Variants in RFFL observed in about 807,000 individuals in gnomAD.
RFFL encodes the protein ring finger and FYVE like domain containing E3 ubiquitin protein ligase.
A neutral mutation model predicts 40.4 loss-of-function variants in RFFL; 16 were observed. That is an observed-to-expected ratio of 0.40 (90% CI 0.27 to 0.60). RFFL has a LOEUF of 0.60. Among genes scored for constraint, RFFL ranks in the 20% least tolerant of loss-of-function variants. The pLI, the probability that RFFL is intolerant of heterozygous loss-of-function variation, is 0.47. For missense variants in RFFL, 367 were observed against 451.7 expected (o/e 0.81, Z 1.70); for synonymous variants, 154 against 167.9 (o/e 0.92, Z 0.64).
At chr17:35,032,985 A>C (rs2091095683) in intron 1 of RFFL, among the ~76,000 whole-genome samples, 1 of 152,126 alleles carries the variant, frequency 6.6e-6, no homozygotes, top group Non-Finnish European at 1.5e-5. Context: ...AAAGAAGCTG[A>C]TAATCATAGC....
intron 1 of RFFL, among the ~76,000 whole-genome samples, chr17:35,086,831 G>T (rs762001374): frequency 6.6e-6 from 1 of 152,124 alleles, no homozygotes; most frequent in Non-Finnish European, 1.5e-5. Flanking sequence ...AGTATTAAAG[G>T]TTCTATGACA....
At chr17:35,020,453 A>T (rs7210900) in intron 3 of RFFL, among the ~76,000 whole-genome samples, 3,307 of 150,300 alleles carry the variant, frequency 0.022, 148 homozygotes, top group African/African-American at 0.077. Flanking sequence ...TCTAGGATGC[A>T]TGCTCCTTAT....
intron 2 of RFFL, among the ~76,000 whole-genome samples, chr17:35,022,234 T>C (rs866568030): frequency 1.3e-5 from 2 of 152,176 alleles, no homozygotes; most frequent in Non-Finnish European, 2.9e-5. Context: ...CATGGGGTTG[T>C]TGTGAAGATT....
At chr17:35,074,652 G>C (rs987451043) in intron 1 of RFFL, among the ~76,000 whole-genome samples, 1 of 152,142 alleles carries the variant, frequency 6.6e-6, no homozygotes, top group Admixed American at 6.6e-5. Context: ...CACCTCATAG[G>C]ATTGTTAGGA....
chr17:35,010,163 A>G lies in RFFL; in HGVS notation c.*1805T>C, dbSNP rs767387285. 6.6e-6 allele frequency: 1 copy of G among 152,218 alleles called. No homozygotes were observed. The allele number at this position is 152,218 out of a possible 1,614,324, so 9.4% of individuals were successfully genotyped here. On this transcript the variant is annotated 3_prime_UTR_variant, in exon 7 of 7. Transcript: ENST00000394597. The stretch of plus-strand genomic sequence containing the variant: ...GCATAAATATGTCTGTACCAATGTA[A>G]TAAGTCCCTTTAGAGGTTTCCCTCT...
intron 1 of RFFL, among the ~76,000 whole-genome samples, chr17:35,056,263 G>C (rs2091260603): frequency 6.6e-6 from 1 of 151,812 alleles, no homozygotes; most frequent in Non-Finnish European, 1.5e-5. Flanking sequence ...GACCACTCTT[G>C]CTCCCTTATT....
intron 1 of RFFL, among the ~76,000 whole-genome samples, chr17:35,051,587 T>C (rs970603868): frequency 3.9e-5 from 6 of 152,218 alleles, no homozygotes; most frequent in Admixed American, 2.0e-4. Context: ...GGATTTCCCA[T>C]GCTTCGTACT....
intron 1 of RFFL, among the ~76,000 whole-genome samples, chr17:35,048,469 C>G (rs1268959975): frequency 6.6e-6 from 1 of 152,046 alleles, no homozygotes; most frequent in Non-Finnish European, 1.5e-5. Context: ...TAATCAGGTT[C>G]AGTTTAGTTT....
rs1050595348 is a variant in RFFL at position 35,055,380 on chromosome 17, T to G, written c.-9+8196A>C. 4.6e-5 allele frequency among the ~76,000 whole-genome samples: 7 copies of G among 152,128 alleles called. No homozygotes were observed. The East Asian group carries it at 1.4e-3, about 29-fold the overall frequency. On this transcript the variant is annotated intron_variant, in intron 1 of 6. Transcript: ENST00000394597. ...AGAACTATGGACAGAAATATAACTTTAATTAAGCATTAGGCCAGGTGCGAT... is the reference window on the plus strand; with the variant it reads ...AGAACTATGGACAGAAATATAACTTGAATTAAGCATTAGGCCAGGTGCGAT...
At chr17:35,064,010 C>T (rs2091308566), upstream of RFFL, among the ~76,000 whole-genome samples, 1 of 152,206 alleles carries the variant, frequency 6.6e-6, no homozygotes, top group Non-Finnish European at 1.5e-5. Flanking sequence ...TGAGAACAGG[C>T]TGGGGCTGGG....
intron 1 of RFFL, among the ~76,000 whole-genome samples, chr17:35,078,264 C>T (rs1301347952): frequency 1.3e-5 from 2 of 152,140 alleles, no homozygotes; most frequent in Non-Finnish European, 2.9e-5. Flanking sequence ...AAAAAGGTCA[C>T]GATTTGTATG....
At chr17:35,046,989 G>C (rs528269637) in intron 1 of RFFL, among the ~76,000 whole-genome samples, 17 of 152,304 alleles carry the variant, frequency 1.1e-4, no homozygotes, top group Admixed American at 3.9e-4. Flanking sequence ...CAGAATAAAT[G>C]GACCTGCAGT....
chr17:35,053,089 A>G (rs1016890920), intron 1 of RFFL, among the ~76,000 whole-genome samples: 2 of 152,250 alleles, frequency 1.3e-5, no homozygotes, highest in Non-Finnish European at 2.9e-5. Flanking sequence ...GAGTATTCAG[A>G]AATTGGCATT....
intron 2 of RFFL, among the ~76,000 whole-genome samples, chr17:35,025,620 C>T (rs2091036269): frequency 2.0e-5 from 3 of 152,172 alleles, no homozygotes; most frequent in Non-Finnish European, 4.4e-5. Context: ...ACATCATATC[C>T]TATCACTTAT....
intron 2 of RFFL, among the ~76,000 whole-genome samples, chr17:35,024,991 A>G (rs1490111585): frequency 6.6e-6 from 1 of 152,176 alleles, no homozygotes; most frequent in Non-Finnish European, 1.5e-5. Context: ...CTTCCCCTCC[A>G]GAAGCTCTTG....
At chr17:35,042,778 T>TCA (rs1199561669) in intron 1 of RFFL, among the ~76,000 whole-genome samples, 3 of 126,998 alleles carry the variant, frequency 2.4e-5, no homozygotes, top group Admixed American at 1.0e-4. Flanking sequence ...TGAGCTGAGA[T>TCA]CACATCACTG....
rs201261915 is a variant in RFFL at position 35,008,628 on chromosome 17, G to GT, written c.*3339dup. The GT allele has an allele frequency of 0.014, 2,089 of 149,920 alleles. 37 individuals are homozygous for GT. Among genetic ancestry groups the GT allele is most frequent in the African/African-American group, 0.046 (1,888 of 40,836 alleles). The allele number at this position is 149,920 out of a possible 1,614,324, so 9.3% of individuals were successfully genotyped here. A position where few individuals can be genotyped will look rare whatever the true frequency, so the allele number is the denominator to read the frequency against. ...TGGTTTTTTTGGGTTTTTTGTTTGT[G>GT]TTTTTTTTTGTTTTGTTTTTTGAGA... On this transcript the variant is annotated 3_prime_UTR_variant, in exon 7 of 7. Transcript: ENST00000394597.
intron 1 of RFFL, among the ~76,000 whole-genome samples, chr17:35,029,848 A>G (rs9896588): frequency 0.036 from 2,674 of 74,628 alleles, 108 homozygotes; most frequent in African/African-American, 0.13. Context: ...CCCCTCCCCC[A>G]ACGCCACGAC....
chr17:35,038,263 TG>T (rs1183631552), intron 1 of RFFL, among the ~76,000 whole-genome samples: 2 of 130,546 alleles, frequency 1.5e-5, no homozygotes, highest in African/African-American at 6.1e-5. Context: ...CATTCCTGCC[TG>T]GATGACAGAG....
Sources: allele counts gnomAD v4.1 joint callset (sites outside exome capture counted in the v4.1 genomes callset), GRCh38; gene constraint gnomAD v4.1.1; transcripts MANE v1.5; gene names NCBI Gene and HGNC (gene_info 2026-07-23, HGNC 2026-07-21).